The following HOOK2 variants were observed in gnomAD, a reference collection of about 807,000 sequenced individuals.
HOOK2 encodes protein Hook homolog 2.
In HOOK2, 108 loss-of-function variants were observed where a neutral mutation model predicts 111.9. The observed-to-expected ratio is 0.96, with a 90% CI of 0.83 to 1.13. HOOK2 has a LOEUF of 1.13. HOOK2 is among the 50% of genes most tolerant of loss of function. The pLI is 0.00. For missense variants in HOOK2, 978 were observed against 951.3 expected (o/e 1.03, Z -0.37); for synonymous variants, 405 against 394.3 (o/e 1.03, Z -0.32).
At chr19:12,778,846 C>A (rs1968568063), upstream of HOOK2, among the ~76,000 whole-genome samples, 1 of 152,134 alleles carries the variant, frequency 6.6e-6, no homozygotes, top group African/African-American at 2.4e-5. Context: ...GGAGCATAAC[C>A]CTCCATTTTG....
At chr19:12,766,482 C>T (rs754753786) in intron 14 of HOOK2, 3 of 482,522 alleles carry the variant, frequency 6.2e-6, no homozygotes, top group Non-Finnish European at 1.1e-5. Flanking sequence ...AGAGTGGATT[C>T]GAACAGCTGG....
At chr19:12,785,336 A>AT (rs1968645884) in intron 3 of HOOK2, among the ~76,000 whole-genome samples, 1 of 151,828 alleles carries the variant, frequency 6.6e-6, no homozygotes, top group Non-Finnish European at 1.5e-5. Context: ...ACACACATAC[A>AT]TACAGACCAG....
chr19:12,787,884 G>A (rs142209616), intron 3 of HOOK2, among the ~76,000 whole-genome samples: 12 of 151,296 alleles, frequency 7.9e-5, no homozygotes, highest in African/African-American at 1.9e-4. Flanking sequence ...GTGAAACCCC[G>A]TCTGTACTAA....
In HOOK2 at chr19:12,763,323, G is replaced by A. The variant is rs760790914; in HGVS notation, c.2119C>T (p.Arg707Cys). The A allele has an allele frequency of 3.5e-5, 57 of 1,613,932 alleles. No individual in the cohort carries two copies. Among genetic ancestry groups the A allele is most frequent in the South Asian group, 2.5e-4 (23 of 91,074 alleles). ...ATNSRRGPLGRLASLNLRPTD... is the reference protein window; with the variant it reads ...ATNSRRGPLGCLASLNLRPTD... ...GGGCGAAGGTTCAGAGATGCCAGGC[G>A]TCCCAAGGGTCCACGGCGAGAATTG... is the stretch of plus-strand genomic sequence containing the variant. The change falls in exon 23 of 23, where the codon CGC becomes TGC. Residue 707 changes from arginine (R) to cysteine (C), a missense_variant. Arg to Cys is a radical substitution (Grantham distance 180). This residue lies in a region of HOOK2 where 277 missense variants were observed against 265.8 expected (regional missense o/e 1.04). Coordinates refer to ENST00000397668, the MANE Select transcript of HOOK2 (RefSeq NM_013312.3).
Position 12,763,080 on chromosome 19 carries a change from TCAA to T in HOOK2, c.*199_*201del, listed in dbSNP as rs1599464155. 1.7e-6 allele frequency: 1 copy of T among 588,204 alleles called. No individual in the cohort carries two copies. Among genetic ancestry groups the T allele is most frequent in the Non-Finnish European group, 2.9e-6 (1 of 339,920 alleles). 36.4% of individuals were successfully genotyped at this position (588,204 alleles called of 1,614,324 possible). On this transcript the variant is annotated 3_prime_UTR_variant, in exon 23 of 23. Coordinates refer to ENST00000397668, the MANE Select transcript of HOOK2 (RefSeq NM_013312.3). Reference sequence around the variant, plus strand: ...CAGCACATGAACTCCAGAGAGAGAATCAACAACAAGAATCACATTGCTAAAAAG... The same window carrying T: ...CAGCACATGAACTCCAGAGAGAGAATCAACAAGAATCACATTGCTAAAAAG...
rs201028542 is a variant in HOOK2 at position 12,770,989 on chromosome 19, G to T, written c.845C>A (p.Ala282Glu). The T allele has an allele frequency of 1.2e-6, 2 of 1,611,872 alleles. No homozygotes were observed. Among genetic ancestry groups the T allele is most frequent in the African/African-American group, 1.3e-5 (1 of 74,856 alleles). ...EVAELQHRNQ[A>E]LTSLAQEAQA... The stretch of plus-strand genomic sequence containing the variant: ...TGCCTCCTGGGCCAGGCTAGTCAGC[G>T]CCTGGTTCCGGTGCTGCAGCTCCGC... Residue 282 changes from alanine to glutamate, a missense_variant, in exon 10 of 23, where the codon GCG becomes GAG. Physicochemically the swap from Ala to Glu is moderately radical, Grantham distance 107. Coordinates refer to ENST00000397668, the MANE Select transcript of HOOK2 (RefSeq NM_013312.3).
intron 18 of HOOK2, 50 bp from the exon 19 acceptor site, chr19:12,765,131 C>T (rs1968109909): frequency 6.3e-7 from 1 of 1,592,774 alleles, no homozygotes; most frequent in Non-Finnish European, 8.6e-7. Flanking sequence ...GCTGGCTTCT[C>T]TTTTGTCCCA....
chr19:12,763,143 C>A lies in HOOK2; in HGVS notation c.*139G>T. The A allele has an allele frequency of 1.3e-6, 1 of 770,136 alleles. No homozygotes were observed. The highest frequency in any genetic ancestry group is 2.1e-6 in the Non-Finnish European group (1 of 484,664). The allele number at this position is 770,136 out of a possible 1,614,324, so 47.7% of individuals were successfully genotyped here. On this transcript the variant is annotated 3_prime_UTR_variant, in exon 23 of 23. Transcript: ENST00000397668. Reference sequence around the variant, plus strand: ...ATATCTACCTCCCGCCCTCCCTCCCCACCAATCTGGGAGAGGGAAGAGCAG... The same window carrying A: ...ATATCTACCTCCCGCCCTCCCTCCCAACCAATCTGGGAGAGGGAAGAGCAG...
chr19:12,791,884 GCCTGGCGGTCAA>G lies in HOOK2; in HGVS notation n.42-17671_42-17660del. The G allele has an allele frequency of 6.2e-7, 1 of 1,613,488 alleles. No homozygotes were observed. Among genetic ancestry groups the G allele is most frequent in the Non-Finnish European group, 8.5e-7 (1 of 1,179,906 alleles). Reference sequence around the variant, plus strand: ...CACGACTACAAACTCCTGAAACCGAGCCTGGCGGTCAACCTGGCCGACCCCTACCGGAGTCTC... The same window carrying G: ...CACGACTACAAACTCCTGAAACCGAGCCTGGCCGACCCCTACCGGAGTCTC... On this transcript the variant is annotated intron_variant and non_coding_transcript_variant, in intron 3 of 3. Coordinates refer to the HOOK2 transcript ENST00000589765. This position sits in a 1 kb window ranked among gnomAD's most constrained non-coding sequence, Gnocchi z 7.0.
At position 12,770,020 on chromosome 19, in the gene HOOK2, C is replaced by T; in HGVS notation, c.965G>A (p.Gly322Asp). The change falls in exon 11 of 23, where the codon GGC becomes GAC. Residue 322 changes from glycine (G) to aspartate (D), a missense_variant. Coordinates refer to ENST00000397668, the MANE Select transcript of HOOK2 (RefSeq NM_013312.3). ...CTGCCGCCGCAGCTCCCTCAGCTCG[C>T]CCAAGCGGCGCCGGCAACTGGTCAG... ...ATLTSCRRRL[G>D]ELRELRRQVR... The T allele has an allele frequency of 6.5e-7, 1 of 1,541,316 alleles. No individual in the cohort carries two copies. The highest frequency in any genetic ancestry group is 2.5e-5 in the East Asian group (1 of 40,774).
Position 12,775,428 on chromosome 19 carries a change from G to C in HOOK2, c.22C>G (p.Leu8Val). The change falls in exon 1 of 23, where the codon CTA becomes GTA. Residue 8 changes from leucine to valine, a missense_variant. By Grantham distance (32) the Leu-to-Val change is conservative. Around this residue, in one of 5 missense-constraint regions of HOOK2, gnomAD observed 301 missense variants for 286.1 expected, o/e 1.05. Transcript: ENST00000397668. MSVDKAE[L>V]CGSLLTWLQT... ...ACCCAGGTGAGCAGAGACCCGCATA[G>C]CTCAGCTTTGTCCACGCTCATGGCT... The C allele has an allele frequency of 6.2e-7, 1 of 1,612,788 alleles. No individual in the cohort carries two copies. The highest frequency in any genetic ancestry group is 8.5e-7 in the Non-Finnish European group (1 of 1,179,628).
chr19:12,763,840 G>A (rs954086522), intron 20 of HOOK2, 62 bp from the exon 21 acceptor site: 7 of 1,124,374 alleles, frequency 6.2e-6, no homozygotes, highest in African/African-American at 3.1e-5. Flanking sequence ...GGACATACTG[G>A]GGTGTGTGTA....
chr19:12,774,732 G>A lies in HOOK2; in HGVS notation c.141C>T (p.Ser47=), dbSNP rs1243884359. The A allele has an allele frequency of 6.2e-7, 1 of 1,614,132 alleles. No individual in the cohort carries two copies. The highest frequency in any genetic ancestry group is 1.3e-5 in the African/African-American group (1 of 75,048). The change falls in exon 3 of 23, where the codon TCC becomes TCT. Residue 47 remains serine, a synonymous_variant. Transcript: ENST00000397668. ...CCTGGAGCCATGCCTCGTTGAACCA[G>A]GAGGGGTCTCTGGGGGCGAGAAGGT... ...VAYVLNQIDP[S]WFNEAWLQGI...
chr19:12,788,669 C>T (rs927623233), intron 3 of HOOK2, among the ~76,000 whole-genome samples: 3 of 151,854 alleles, frequency 2.0e-5, no homozygotes, highest in Non-Finnish European at 4.4e-5. Flanking sequence ...GCTTTTGGGA[C>T]CTGCAAGTTA....
In HOOK2 at chr19:12,763,166, C is replaced by T. The variant is rs1255681189; in HGVS notation, c.*116G>A. 5.0e-6 allele frequency: 5 copies of T among 1,010,084 alleles called. No homozygotes were observed. In the East Asian group the frequency reaches 1.3e-4, roughly 26 times the overall value. The allele number at this position is 1,010,084 out of a possible 1,614,324, so 62.6% of individuals were successfully genotyped here. On this transcript the variant is annotated 3_prime_UTR_variant, in exon 23 of 23. Coordinates refer to ENST00000397668, the MANE Select transcript of HOOK2 (RefSeq NM_013312.3). The stretch of plus-strand genomic sequence containing the variant: ...CCCACCAATCTGGGAGAGGGAAGAG[C>T]AGAGATCATGGCCTCAAAGCTCTCG...
At chr19:12,777,754 C>T (rs1968555487), upstream of HOOK2, among the ~76,000 whole-genome samples, 2 of 152,276 alleles carry the variant, frequency 1.3e-5, no homozygotes. Flanking sequence ...GCGCGGAGAC[C>T]GCAGAACGCG....
chr19:12,766,075 C>A (rs1480682724), intron 15 of HOOK2, 28 bp downstream of exon 15: 1 of 1,604,150 alleles, frequency 6.2e-7, no homozygotes, highest in Non-Finnish European at 8.5e-7. Context: ...TGTCCCTGCT[C>A]CGCGCAGGTA....
At chr19:12,782,094 G>A (rs184516057), upstream of HOOK2, among the ~76,000 whole-genome samples, 5 of 152,266 alleles carry the variant, frequency 3.3e-5, no homozygotes, top group Non-Finnish European at 4.4e-5. Flanking sequence ...GGCCTCAAGC[G>A]ATCCTCTGGC....
Position 12,771,455 on chromosome 19 carries a change from C to G in HOOK2, c.542G>C (p.Ser181Thr), listed in dbSNP as rs748001151. ...TTCGTCCCCCTCCTCAGCCTCCTCA[C>G]TTAGGAAATAGTACCTGCGGGACTG... ...DSQSRRYYFL[S>T]EEAEEGDELQ... Residue 181 changes from serine to threonine, a missense_variant, in exon 8 of 23, where the codon AGT becomes ACT. Physicochemically the swap from Ser to Thr is moderately conservative, Grantham distance 58. Transcript: ENST00000397668. 3.7e-6 allele frequency: 6 copies of G among 1,613,178 alleles called. No individual in the cohort carries two copies. Among genetic ancestry groups the G allele is most frequent in the Non-Finnish European group, 5.1e-6 (6 of 1,179,656 alleles).
Sources: allele counts gnomAD v4.1 joint callset (sites outside exome capture counted in the v4.1 genomes callset), GRCh38; gene constraint gnomAD v4.1.1; regional missense constraint gnomAD v4.1.1; non-coding constraint Gnocchi (gnomAD v3.1); transcripts MANE v1.5; gene names NCBI Gene and HGNC (gene_info 2026-07-23, HGNC 2026-07-21).